Variants in COL18A1 observed in about 807,000 individuals in gnomAD.
The protein encoded by COL18A1 is collagen type XVIII alpha 1 chain.
In COL18A1, 133 loss-of-function variants were observed where a neutral mutation model predicts 168.0. The ratio of observed to expected loss-of-function variants is 0.79; its 90% confidence interval spans 0.69 to 0.91. The LOEUF is 0.91. Among genes scored for constraint, COL18A1 ranks in the 40% least tolerant of loss-of-function variants. COL18A1 has a pLI of 0.00. For synonymous variants in COL18A1, 949 were observed against 809.0 expected, an observed-to-expected ratio of 1.17 and a Z score of -2.94; for missense variants, 2,126 against 1,925.4, an observed-to-expected ratio of 1.10 and a Z score of -1.95.
chr21:45,511,742 C>A (rs2037621076), intron 41 of COL18A1, among the ~76,000 whole-genome samples: 1 of 152,192 alleles, frequency 6.6e-6, no homozygotes, highest in Admixed American at 6.5e-5. Context: ...CAGCGTGTCC[C>A]CAGCAGTGCC....
At chr21:45,464,287 T>C (rs1233341483) in intron 2 of COL18A1, among the ~76,000 whole-genome samples, 15 of 152,158 alleles carry the variant, frequency 9.9e-5, no homozygotes, top group Admixed American at 9.8e-4. Flanking sequence ...GAGATCTTCC[T>C]GGTGGGCTGG....
intron 18 of COL18A1, among the ~76,000 whole-genome samples, chr21:45,489,050 G>A (rs970804256): frequency 6.6e-6 from 1 of 152,242 alleles, no homozygotes; most frequent in African/African-American, 2.4e-5. Context: ...GGCCAAGGGC[G>A]CACGGGGCCC....
At chr21:45,462,082 A>G (rs894034959) in intron 2 of COL18A1, among the ~76,000 whole-genome samples, 1 of 152,108 alleles carries the variant, frequency 6.6e-6, no homozygotes, top group African/African-American at 2.4e-5. Flanking sequence ...TACATTGAAT[A>G]TATTGGTCCA....
chr21:45,450,523 TC>T lies in COL18A1; in HGVS notation c.107-17715del, dbSNP rs532445955. On this transcript the variant is annotated intron_variant, in intron 2 of 41. Coordinates refer to ENST00000651438, the MANE Select transcript of COL18A1 (RefSeq NM_001379500.1). ...CTCTTTGCCCCCTGATGAACCAGTT[TC>T]CCCTGTTCACGTGTGGATGTTTGTA... 1.5e-4 allele frequency among the ~76,000 whole-genome samples: 23 copies of T among 152,222 alleles called. No homozygotes were observed. In the South Asian group the frequency reaches 4.8e-3, roughly 32 times the overall value.
In COL18A1 at chr21:45,463,632, T is replaced by C. The variant is rs1272514945; in HGVS notation, c.107-4610T>C. Among the ~76,000 whole-genome samples, 1 of 152,202 alleles carries C rather than the reference T, an allele frequency of 6.6e-6. No individual in the cohort carries two copies. Among genetic ancestry groups the C allele is most frequent in the Non-Finnish European group, 1.5e-5 (1 of 68,026 alleles). On this transcript the variant is annotated intron_variant, in intron 2 of 41. Transcript: ENST00000651438. This position sits in a 1 kb window ranked among gnomAD's most constrained non-coding sequence, Gnocchi z 4.0. The stretch of plus-strand genomic sequence containing the variant: ...TCAAGTCTTGGCCAGGCATGGTGGC[T>C]CACGTCTGTAATCCCAGCACTTTGG...
Position 45,505,223 on chromosome 21 carries a change from TC to T in COL18A1, c.2961del (p.Gly988AlafsTer43). The T allele has an allele frequency of 6.3e-7, 1 of 1,580,794 alleles. No homozygotes were observed. Among genetic ancestry groups the T allele is most frequent in the Non-Finnish European group, 8.6e-7 (1 of 1,161,812 alleles). On this transcript the variant is annotated frameshift_variant, in exon 35 of 42. Transcript: ENST00000651438. LOFTEE classifies it high-confidence loss of function. ...TCGGCTACGAGGGGCGCCAGGGCCC[TC>T]CCGGCCCCCCAGGCCCCCCAGGGCC... ...GIGYEGRQGP[P>X]GPPGPPGPPS... is the part of the protein sequence containing the mutation.
intron 2 of COL18A1, among the ~76,000 whole-genome samples, chr21:45,466,470 C>G (rs372463852): frequency 2.0e-5 from 3 of 150,770 alleles, no homozygotes; most frequent in Non-Finnish European, 4.4e-5. Flanking sequence ...CTCTCGCACC[C>G]GGGAAGGCTG....
chr21:45,440,140 C>T (rs2034330001), intron 2 of COL18A1, among the ~76,000 whole-genome samples: 1 of 152,252 alleles, frequency 6.6e-6, no homozygotes, highest in African/African-American at 2.4e-5. Context: ...GCAAGGGCTG[C>T]GGGGTCGGAA....
intron 2 of COL18A1, among the ~76,000 whole-genome samples, chr21:45,437,258 T>A (rs199841574): frequency 3.0e-3 from 79 of 26,542 alleles, no homozygotes; most frequent in South Asian, 6.3e-3. Context: ...ACACACACAC[T>A]CACACACTCA....
chr21:45,490,951 C>A, intron 21 of COL18A1, 80 bp downstream of exon 21: 1 of 1,350,796 alleles, frequency 7.4e-7, no homozygotes, highest in Non-Finnish European at 1.0e-6. Context: ...TGCCCCAGGT[C>A]CGTGCCCCTG....
intron 38 of COL18A1, among the ~76,000 whole-genome samples, chr21:45,508,177 AGATG>A (rs1225471306): frequency 2.1e-5 from 3 of 139,648 alleles, no homozygotes; most frequent in Admixed American, 7.1e-5. Flanking sequence ...GTAGCTGGGG[AGATG>A]GATGGATGGT....
chr21:45,468,846 G>A (rs943954387), intron 3 of COL18A1, 60 bp downstream of exon 3: 12 of 1,432,466 alleles, frequency 8.4e-6, no homozygotes, highest in Non-Finnish European at 1.1e-5. Flanking sequence ...TGGGGTGGGG[G>A]TGGCCACTGG....
At chr21:45,503,588 A>T (rs1037224690) in intron 32 of COL18A1, among the ~76,000 whole-genome samples, 1 of 139,612 alleles carries the variant, frequency 7.2e-6, no homozygotes, top group Non-Finnish European at 1.5e-5. Flanking sequence ...CTGAACAATG[A>T]GATCACATGG....
Position 45,463,738 on chromosome 21 carries a change from C to A in COL18A1, c.107-4504C>A, listed in dbSNP as rs989067983. On this transcript the variant is annotated intron_variant, in intron 2 of 41. Coordinates refer to ENST00000651438, the MANE Select transcript of COL18A1 (RefSeq NM_001379500.1). The surrounding 1 kb of genome is among the most constrained non-coding windows in gnomAD (Gnocchi z 4.0). ...CACGGAGAAACCCCATCTCTACTAA[C>A]AATACAAAATTAGCTGGGTATGGTG... Among the ~76,000 whole-genome samples the A allele has an allele frequency of 6.6e-6, 1 of 152,020 alleles. No homozygotes were observed. Among genetic ancestry groups the A allele is most frequent in the Non-Finnish European group, 1.5e-5 (1 of 68,012 alleles).
chr21:45,490,875 A>C lies in COL18A1; in HGVS notation c.2067+4A>C. Reference sequence around the variant, plus strand: ...CAGAGGCAGCCGGGGAGAAAAGGTGAGTGTCCCTGGGGCGGGTGGATGGGG... The same window carrying C: ...CAGAGGCAGCCGGGGAGAAAAGGTGCGTGTCCCTGGGGCGGGTGGATGGGG... On this transcript the variant is annotated splice_donor_region_variant and intron_variant, in intron 21 of 41. Coordinates refer to ENST00000651438, the MANE Select transcript of COL18A1 (RefSeq NM_001379500.1). 6.5e-7 allele frequency: 1 copy of C among 1,547,866 alleles called. No homozygotes were observed. The highest frequency in any genetic ancestry group is 1.2e-5 in the South Asian group (1 of 83,998).
chr21:45,511,812 C>T (rs769482058), intron 41 of COL18A1, among the ~76,000 whole-genome samples: 4 of 152,162 alleles, frequency 2.6e-5, no homozygotes, highest in Non-Finnish European at 4.4e-5. Flanking sequence ...GTGCTGTGGG[C>T]AGGGCTGGGC....
chr21:45,473,804 TG>T lies in COL18A1; in HGVS notation c.652-88del. Reference sequence around the variant, plus strand: ...CTCTCCGAGACTCTCCTGCCCTTTGTGGGCCCCCCGAAATCTGGAGCTCAAG... The same window carrying T: ...CTCTCCGAGACTCTCCTGCCCTTTGTGGCCCCCCGAAATCTGGAGCTCAAG... On this transcript the variant is annotated intron_variant, in intron 3 of 41. Transcript: ENST00000651438. This position sits in a 1 kb window ranked among gnomAD's most constrained non-coding sequence, Gnocchi z 4.0. 1 of 1,086,756 alleles carries T rather than the reference TG, an allele frequency of 9.2e-7. No individual in the cohort carries two copies. The highest frequency in any genetic ancestry group is 1.4e-6 in the Non-Finnish European group (1 of 729,554). The allele number at this position is 1,086,756 out of a possible 1,614,324, so 67.3% of individuals were successfully genotyped here.
At chr21:45,426,395 G>A (rs1427403486) in intron 2 of COL18A1, among the ~76,000 whole-genome samples, 3 of 152,188 alleles carry the variant, frequency 2.0e-5, no homozygotes, top group Non-Finnish European at 2.9e-5. Context: ...GTGAGCCACC[G>A]AGCCTGGCCT....
intron 2 of COL18A1, among the ~76,000 whole-genome samples, chr21:45,452,826 GTA>G (rs1361345466): frequency 1.3e-5 from 2 of 148,732 alleles, no homozygotes; most frequent in African/African-American, 5.0e-5. Context: ...ATGTGAGCAT[GTA>G]TGACATGTGT....
Sources: allele counts gnomAD v4.1 joint callset (sites outside exome capture counted in the v4.1 genomes callset), GRCh38; gene constraint gnomAD v4.1.1; non-coding constraint Gnocchi (gnomAD v3.1); transcripts MANE v1.5; gene names NCBI Gene and HGNC (gene_info 2026-07-23, HGNC 2026-07-21).